RCOR1: variants seen among roughly 807,000 people sequenced by gnomAD.
RCOR1 encodes the protein REST corepressor 1, also known as REST corepressor.
In RCOR1, 12 loss-of-function variants were observed where a neutral mutation model predicts 64.0. The observed-to-expected ratio is 0.19, with a 90% CI of 0.12 to 0.30. The LOEUF (loss-of-function observed/expected upper bound fraction) is 0.30. Among genes scored for constraint, RCOR1 ranks in the 10% least tolerant of loss-of-function variants. RCOR1 has a pLI of 1.00. For synonymous variants in RCOR1, 279 were observed against 227.2 expected, an observed-to-expected ratio of 1.23 and a Z score of -2.05; for missense variants, 502 against 621.2, an observed-to-expected ratio of 0.81 and a Z score of 2.04.
chr14:102,627,670 AACAC>A (rs560181667), intron 2 of RCOR1, among the ~76,000 whole-genome samples: 5 of 151,068 alleles, frequency 3.3e-5, no homozygotes, highest in Non-Finnish European at 5.9e-5. Context: ...AAAAAAAAAA[AACAC>A]ACACACACAC....
At chr14:102,696,800 C>G (rs1175660276) in intron 3 of RCOR1, among the ~76,000 whole-genome samples, 1 of 129,578 alleles carries the variant, frequency 7.7e-6, no homozygotes, top group East Asian at 2.1e-4. Context: ...TTTTAAGCAT[C>G]TGCTTATCTT....
At chr14:102,627,981 G>GTGT (rs1894018067) in intron 2 of RCOR1, among the ~76,000 whole-genome samples, 1 of 151,658 alleles carries the variant, frequency 6.6e-6, no homozygotes, top group Non-Finnish European at 1.5e-5. Flanking sequence ...GTGTGTGTGT[G>GTGT]TAAAATTGAC....
At chr14:102,629,120 GC>G (rs1894047853) in intron 2 of RCOR1, among the ~76,000 whole-genome samples, 1 of 152,088 alleles carries the variant, frequency 6.6e-6, no homozygotes, top group Non-Finnish European at 1.5e-5. Context: ...TGTGTTGGGG[GC>G]TTTGCACTCA....
chr14:102,612,958 C>CAAA (rs34850806), intron 2 of RCOR1, among the ~76,000 whole-genome samples: 1 of 63,624 alleles, frequency 1.6e-5, no homozygotes, highest in Non-Finnish European at 3.4e-5. Flanking sequence ...TATCTCTTAG[C>CAAA]AAAAAAAAAA....
At chr14:102,698,224 CTTGTGTGTGTCTTAAAAT>C (rs1333135827) in intron 3 of RCOR1, among the ~76,000 whole-genome samples, 1 of 152,138 alleles carries the variant, frequency 6.6e-6, no homozygotes, top group African/African-American at 2.4e-5. Context: ...TCAACAAATG[CTTGTGTGTGTCTTAAAAT>C]TTGTAGCTAA....
Position 102,614,600 on chromosome 14 carries a change from A to G in RCOR1, c.361+21275A>G, listed in dbSNP as rs72702747. Among the ~76,000 whole-genome samples the G allele has an allele frequency of 5.3e-3, 813 of 152,198 alleles. 6 individuals carry two copies. The highest frequency in any genetic ancestry group is 9.4e-3 in the Non-Finnish European group (640 of 68,012). On this transcript the variant is annotated intron_variant, in intron 2 of 11. Transcript: ENST00000262241. ...GATTTTATATGTCAGATGATTAACT[A>G]TCATTTTGAGTTGTTGCTTAGTTCT...
intron 2 of RCOR1, chr14:102,659,019 GA>G (rs1278231142): frequency 1.4e-5 from 9 of 635,682 alleles, no homozygotes; most frequent in Non-Finnish European, 1.8e-5. Context: ...TCAAGTCGGG[GA>G]GATTTAAGCT....
At chr14:102,593,397 G>C in intron 2 of RCOR1, 72 bp downstream of exon 2, 1 of 1,405,346 alleles carries the variant, frequency 7.1e-7, no homozygotes, top group Non-Finnish European at 9.2e-7. Flanking sequence ...GCCCGAGGGG[G>C]CGGGAGCCCG....
At chr14:102,596,823 C>T (rs1196957993) in intron 2 of RCOR1, among the ~76,000 whole-genome samples, 8 of 150,894 alleles carry the variant, frequency 5.3e-5, no homozygotes, top group Non-Finnish European at 1.0e-4. Context: ...CCTTGTCCTT[C>T]CAAAGTGCTG....
intron 2 of RCOR1, among the ~76,000 whole-genome samples, chr14:102,623,709 A>C (rs892027182): frequency 2.0e-5 from 3 of 151,044 alleles, no homozygotes; most frequent in African/African-American, 7.3e-5. Context: ...CGCCTGGCCA[A>C]CTTCCTTAAT....
At chr14:102,629,447 C>G (rs57221486) in intron 2 of RCOR1, among the ~76,000 whole-genome samples, 6 of 102,860 alleles carry the variant, frequency 5.8e-5, no homozygotes, top group Non-Finnish European at 1.1e-4. Context: ...CAGCCTCCCC[C>G]CCCCCCACCA....
Position 102,726,799 on chromosome 14 carries a change from C to G in RCOR1, c.*293C>G. The stretch of plus-strand genomic sequence containing the variant: ...CTGGGAACCGCCTCTCCCGCCGGAG[C>G]CCCCGAGCCCCACCAATGGCAGCTC... On this transcript the variant is annotated 3_prime_UTR_variant, in exon 12 of 12. Coordinates refer to ENST00000262241, the MANE Select transcript of RCOR1 (RefSeq NM_015156.4). 2.6e-6 allele frequency: 1 copy of G among 385,912 alleles called. No individual in the cohort carries two copies. Among genetic ancestry groups the G allele is most frequent in the Non-Finnish European group, 4.6e-6 (1 of 216,676 alleles). 23.9% of individuals were successfully genotyped at this position (385,912 alleles called of 1,614,324 possible).
At chr14:102,601,475 A>T (rs115200169) in intron 2 of RCOR1, among the ~76,000 whole-genome samples, 3 of 152,222 alleles carry the variant, frequency 2.0e-5, no homozygotes, top group African/African-American at 7.2e-5. Context: ...CAAGAGGTTC[A>T]TTAGGGTATG....
chr14:102,701,529 C>T (rs1304422572), intron 4 of RCOR1, among the ~76,000 whole-genome samples, 199 bp downstream of exon 4: 2 of 152,088 alleles, frequency 1.3e-5, no homozygotes, highest in Admixed American at 1.3e-4. Flanking sequence ...ATTTGAAAGG[C>T]ATATCTGTCA....
chr14:102,653,920 C>T (rs993407606), intron 2 of RCOR1, among the ~76,000 whole-genome samples: 9 of 98,872 alleles, frequency 9.1e-5, no homozygotes, highest in South Asian at 4.0e-4. Flanking sequence ...CAGGTATTTC[C>T]TTCTTTCTTT....
chr14:102,722,444 T>C, intron 11 of RCOR1, 28 bp downstream of exon 11: 1 of 1,566,946 alleles, frequency 6.4e-7, no homozygotes, highest in Non-Finnish European at 8.8e-7. Context: ...CAGTCACTTC[T>C]CTTGTCAGGT....
intron 2 of RCOR1, among the ~76,000 whole-genome samples, chr14:102,608,090 T>A (rs1007806280): frequency 2.0e-5 from 3 of 151,970 alleles, no homozygotes; most frequent in Admixed American, 6.6e-5. Flanking sequence ...CGTTTTACAA[T>A]GAACAATTCA....
At chr14:102,593,795 C>CTCTTGCT (rs893543542) in intron 2 of RCOR1, among the ~76,000 whole-genome samples, 1 of 152,188 alleles carries the variant, frequency 6.6e-6, no homozygotes, top group Non-Finnish European at 1.5e-5. Flanking sequence ...AGCCTCTGGG[C>CTCTTGCT]TCTTGCTGGC....
intron 11 of RCOR1, among the ~76,000 whole-genome samples, chr14:102,724,454 C>T (rs1338368585): frequency 6.6e-6 from 1 of 152,078 alleles, no homozygotes; most frequent in African/African-American, 2.4e-5. Flanking sequence ...CCCTCAGCCT[C>T]CCTAGTAGCT....
Sources: allele counts gnomAD v4.1 joint callset (sites outside exome capture counted in the v4.1 genomes callset), GRCh38; gene constraint gnomAD v4.1.1; transcripts MANE v1.5; gene names NCBI Gene and HGNC (gene_info 2026-07-23, HGNC 2026-07-21).